The following PGLYRP1 variants were observed in gnomAD, a reference collection of about 807,000 sequenced individuals.
The protein encoded by PGLYRP1 is TNF superfamily, member 3 (LTB)-like (peptidoglycan recognition protein).
In PGLYRP1, 18 loss-of-function variants were observed where a neutral mutation model predicts 16.3. The observed-to-expected ratio is 1.11, with a 90% CI of 0.77 to 1.64. PGLYRP1 has a LOEUF of 1.64. Among genes scored for constraint, PGLYRP1 ranks in the 40% most tolerant of loss-of-function variants. The probability of loss-of-function intolerance (pLI) is 0.00; values close to 1 mark genes in which losing one functional copy is unlikely to be tolerated. For synonymous variants in PGLYRP1, 89 were observed against 105.7 expected (o/e 0.84, Z 0.97); for missense variants, 261 against 268.6 (o/e 0.97, Z 0.20).
In PGLYRP1 at chr19:46,022,772, G is replaced by A. The variant is rs767396002; in HGVS notation, c.250C>T (p.His84Tyr). 2.5e-6 allele frequency: 4 copies of A among 1,614,214 alleles called. No individual in the cohort carries two copies. The Admixed American group carries it at 6.7e-5, about 27-fold the overall frequency. ...QQQARNVQHY[H>Y]MKTLGWCDVG... ...TCGCACCAGCCCAGTGTCTTCATGTGGTAGTGCTGCACATTCCGGGCCTGC... is the reference window on the plus strand; with the variant it reads ...TCGCACCAGCCCAGTGTCTTCATGTAGTAGTGCTGCACATTCCGGGCCTGC... The change falls in exon 1 of 3, where the codon CAC (histidine) becomes TAC (tyrosine). Residue 84 changes from histidine (H) to tyrosine (Y), a missense_variant. By Grantham distance (83) the His-to-Tyr change is moderately conservative. Transcript: ENST00000008938.
rs1969014952 is a variant in PGLYRP1 at position 46,019,163 on chromosome 19, C to T, written c.*75G>A. 7.4e-7 allele frequency: 1 copy of T among 1,343,778 alleles called. No individual in the cohort carries two copies. The highest frequency in any genetic ancestry group is 1.7e-5 in the Admixed American group (1 of 58,044). The allele number at this position is 1,343,778 out of a possible 1,614,324, so 83.2% of individuals were successfully genotyped here. On this transcript the variant is annotated 3_prime_UTR_variant, in exon 3 of 3. Transcript: ENST00000008938. This position sits in a 1 kb window ranked among gnomAD's most constrained non-coding sequence, Gnocchi z 4.8. Reference sequence around the variant, plus strand: ...CTGCTGAGGAACACATTTTGAGCTACATCTTTATTGGAGAAGGAGACAGTG... The same window carrying T: ...CTGCTGAGGAACACATTTTGAGCTATATCTTTATTGGAGAAGGAGACAGTG...
At position 46,019,461 on chromosome 19, in the gene PGLYRP1, A is replaced by T; in HGVS notation, c.410-42T>A. ...TAGGAGTCAGGCAGGGGCTTCCCCG[A>T]AGGGGAAGTGATAGCGTAGGGCCCC... On this transcript the variant is annotated intron_variant, in intron 2 of 2. Transcript: ENST00000008938. The surrounding 1 kb of genome is among the most constrained non-coding windows in gnomAD (Gnocchi z 4.8). 1.2e-6 allele frequency: 2 copies of T among 1,611,492 alleles called. No individual in the cohort carries two copies. Among genetic ancestry groups the T allele is most frequent in the Non-Finnish European group, 1.7e-6 (2 of 1,178,182 alleles).
chr19:46,019,653 T>G lies in PGLYRP1; in HGVS notation c.288-6A>C, dbSNP rs990416004. On this transcript the variant is annotated splice_polypyrimidine_tract_variant and splice_region_variant and intron_variant, in intron 1 of 2. Coordinates refer to ENST00000008938, the MANE Select transcript of PGLYRP1 (RefSeq NM_005091.3). This position sits in a 1 kb window ranked among gnomAD's most constrained non-coding sequence, Gnocchi z 4.8. ...CGTCTTCTCCAATCAGGAAGCTGCA[T>G]GGGGAGGTGGGGGGGCTTGATGAGT... The G allele has an allele frequency of 6.2e-7, 1 of 1,611,858 alleles. No individual in the cohort carries two copies. Among genetic ancestry groups the G allele is most frequent in the Admixed American group, 1.7e-5 (1 of 59,890 alleles).
chr19:46,020,983 G>A (rs1011886552), intron 1 of PGLYRP1: 1 of 152,568 alleles, frequency 6.6e-6, no homozygotes, highest in Non-Finnish European at 1.5e-5. Context: ...CTGGGGTCGG[G>A]GGTGGTTGGT....
rs955665421 is a variant in PGLYRP1, at chr19:46,019,928, G to A, written c.288-281C>T. Among the ~76,000 whole-genome samples, 19 of 152,134 alleles carry A rather than the reference G, an allele frequency of 1.2e-4. No homozygotes were observed. Among genetic ancestry groups the A allele is most frequent in the African/African-American group, 4.6e-4 (19 of 41,416 alleles). On this transcript the variant is annotated intron_variant, in intron 1 of 2. Coordinates refer to ENST00000008938, the MANE Select transcript of PGLYRP1 (RefSeq NM_005091.3). This position sits in a 1 kb window ranked among gnomAD's most constrained non-coding sequence, Gnocchi z 4.8. ...GTTTTATATAGACAGAATCAGAGCG[G>A]TAGAATCACCTGCCCCGGGGTCACA...
At position 46,022,962 on chromosome 19, in the gene PGLYRP1, C is replaced by T. The variant is rs149209645; in HGVS notation, c.60G>A (p.Ala20=). ...AGGCCGGGTCTTCTGTCTCCTGAGC[C>T]GCTCCGAGTCGAAGGAGGCTGGGGA... is the stretch of plus-strand genomic sequence containing the variant. ...WALPSLLRLG[A]AQETEDPACC... Residue 20 remains alanine, a synonymous_variant, in exon 1 of 3, where the codon GCG becomes GCA. Coordinates refer to ENST00000008938, the MANE Select transcript of PGLYRP1 (RefSeq NM_005091.3). 2.4e-3 allele frequency: 3,924 copies of T among 1,604,740 alleles called. 3 individuals carry two copies. Among genetic ancestry groups the T allele is most frequent in the Non-Finnish European group, 3.0e-3 (3,578 of 1,175,478 alleles).
chr19:46,022,451 A>G (rs1399801501), intron 1 of PGLYRP1, among the ~76,000 whole-genome samples: 3 of 152,352 alleles, frequency 2.0e-5, no homozygotes, highest in Admixed American at 2.0e-4. Flanking sequence ...CGTCGCGGAC[A>G]CCTTGGTGTG....
In PGLYRP1 at chr19:46,019,416, C is replaced by T. The variant is rs772080101; in HGVS notation, c.413G>A (p.Arg138Gln). ...CCGGATGGCCTGGGGTGTGGGCACC[C>T]GATCTGGAGGAGGCAGAGGTAGGAG... ...GISFMGNYMDRVPTPQAIRAA... is the reference protein window; with the variant it reads ...GISFMGNYMDQVPTPQAIRAA... The change falls in exon 3 of 3, where the codon CGG (arginine) becomes CAG (glutamine). Residue 138 changes from arginine (R) to glutamine (Q), a missense_variant. Arg to Gln is a conservative substitution (Grantham distance 43, BLOSUM62 1). Transcript: ENST00000008938. This position sits in a 1 kb window ranked among gnomAD's most constrained non-coding sequence, Gnocchi z 4.8. 54 of 1,613,092 alleles carry T rather than the reference C, an allele frequency of 3.3e-5. No homozygotes were observed. The highest frequency in any genetic ancestry group is 5.0e-5 in the Admixed American group (3 of 59,970).
At chr19:46,021,841 T>C (rs1969047864) in intron 1 of PGLYRP1, among the ~76,000 whole-genome samples, 1 of 152,166 alleles carries the variant, frequency 6.6e-6, no homozygotes, top group South Asian at 2.1e-4. Flanking sequence ...CACCCTGTCC[T>C]TCCCACAGGA....
At chr19:46,022,527 C>G (rs576510346) in intron 1 of PGLYRP1, among the ~76,000 whole-genome samples, 1 of 152,400 alleles carries the variant, frequency 6.6e-6, no homozygotes. Context: ...GCCCATCCCC[C>G]CTTCTCACGC....
intron 1 of PGLYRP1, among the ~76,000 whole-genome samples, chr19:46,021,595 C>T (rs952740347): frequency 2.0e-5 from 3 of 152,064 alleles, no homozygotes; most frequent in Non-Finnish European, 2.9e-5. Context: ...AGCTGGTAGG[C>T]GTGGCCCCGG....
chr19:46,022,986 G>A lies in PGLYRP1; in HGVS notation c.36C>T (p.Leu12=). ...SRRSMLLAWA[L]PSLLRLGAAQ... ...CCGCTCCGAGTCGAAGGAGGCTGGG[G>A]AGAGCCCAGGCAAGCAGCATAGAGC... is the stretch of plus-strand genomic sequence containing the variant. The change falls in exon 1 of 3, where the codon CTC becomes CTT. Residue 12 remains leucine, a synonymous_variant. Coordinates refer to ENST00000008938, the MANE Select transcript of PGLYRP1 (RefSeq NM_005091.3). 6.3e-7 allele frequency: 1 copy of A among 1,594,528 alleles called. No individual in the cohort carries two copies. Among genetic ancestry groups the A allele is most frequent in the Middle Eastern group, 1.7e-4 (1 of 5,808 alleles).
Position 46,022,204 on chromosome 19 carries a change from G to C in PGLYRP1, c.287+531C>G, listed in dbSNP as rs1303605812. ...ATGGTAATAGCCCGTGGCTTTGCGGGCCCCCGTGTGCCAGGCAGTTCCTAG... is the reference window on the plus strand; with the variant it reads ...ATGGTAATAGCCCGTGGCTTTGCGGCCCCCCGTGTGCCAGGCAGTTCCTAG... On this transcript the variant is annotated intron_variant, in intron 1 of 2. Transcript: ENST00000008938. Among the ~76,000 whole-genome samples the C allele has an allele frequency of 2.6e-5, 4 of 152,214 alleles. No individual in the cohort carries two copies. The South Asian group carries it at 8.3e-4, about 32-fold the overall frequency.
intron 1 of PGLYRP1, among the ~76,000 whole-genome samples, chr19:46,022,111 A>C (rs1361155624): frequency 6.6e-6 from 1 of 152,218 alleles, no homozygotes; most frequent in Non-Finnish European, 1.5e-5. Context: ...TTTCAACCCC[A>C]GGAGGCTAGA....
intron 1 of PGLYRP1, 89 bp downstream of exon 1, chr19:46,022,646 C>T: frequency 2.0e-6 from 3 of 1,478,664 alleles, no homozygotes; most frequent in Non-Finnish European, 2.8e-6. Flanking sequence ...GCCTCAGCAC[C>T]AGGCCTAGAA....
chr19:46,022,691 C>T (rs530470197), intron 1 of PGLYRP1, 44 bp downstream of exon 1: 163 of 1,608,896 alleles, frequency 1.0e-4, no homozygotes, highest in Non-Finnish European at 1.3e-4. Flanking sequence ...ACACCTTTGC[C>T]TCTGGGATCC....
At chr19:46,022,593 A>T in intron 1 of PGLYRP1, 142 bp downstream of exon 1, 1 of 878,920 alleles carries the variant, frequency 1.1e-6, no homozygotes, top group Non-Finnish European at 1.8e-6. Flanking sequence ...GGAAGAAATG[A>T]CCTTGTGAGG....
intron 1 of PGLYRP1, chr19:46,021,272 GA>G (rs1051248428): frequency 4.6e-5 from 7 of 152,254 alleles, no homozygotes; most frequent in African/African-American, 1.4e-4. Context: ...CTGAGTCTTG[GA>G]AACAAAATGT....
At position 46,019,306 on chromosome 19, in the gene PGLYRP1, G is replaced by T. The variant is rs770961396; in HGVS notation, c.523C>A (p.Arg175Ser). The change falls in exon 3 of 3, where the codon CGT (arginine) becomes AGT (serine). Residue 175 changes from arginine to serine, a missense_variant. By Grantham distance (110) the Arg-to-Ser change is moderately radical. Transcript: ENST00000008938. The surrounding 1 kb of genome is among the most constrained non-coding windows in gnomAD (Gnocchi z 4.8). ...YVLKGHRDVQ[R>S]TLSPGNQLYH... ...AGCTGGTTGCCTGGAGAGAGTGTAC[G>T]CTGCACATCCCGGTGTCCTTTGAGC... 50 of 1,613,750 alleles carry T rather than the reference G, an allele frequency of 3.1e-5. No homozygotes were observed. The South Asian group carries it at 5.4e-4, about 17-fold the overall frequency.
Sources: gnomAD v4.1 joint callset for allele counts (sites outside exome capture counted in the v4.1 genomes callset) on GRCh38, gnomAD v4.1.1 for gene constraint, Gnocchi (gnomAD v3.1) non-coding constraint, MANE v1.5 for transcripts, NCBI Gene and HGNC (gene_info 2026-07-23, HGNC 2026-07-21) for gene names.